SCFD2: variants seen among roughly 807,000 people sequenced by gnomAD.
SCFD2 encodes the protein sec1 family domain-containing protein 2.
SCFD2 carries 54 observed loss-of-function variants against 58.9 expected under a neutral mutation model. The observed-to-expected ratio is 0.92, with a 90% CI of 0.74 to 1.15. SCFD2 has a LOEUF of 1.15. SCFD2 is among the 50% of genes most tolerant of loss of function. SCFD2 has a pLI of 0.00. For synonymous variants in SCFD2, 321 were observed against 335.9 expected (o/e 0.96, Z 0.49); for missense variants, 805 against 836.6 (o/e 0.96, Z 0.47).
At chr4:53,218,759 C>A (rs1728946609) in intron 4 of SCFD2, among the ~76,000 whole-genome samples, 1 of 152,124 alleles carries the variant, frequency 6.6e-6, no homozygotes, top group Non-Finnish European at 1.5e-5. Flanking sequence ...TGCTTTTTCC[C>A]CATCTTTGTG....
intron 1 of SCFD2, among the ~76,000 whole-genome samples, chr4:53,354,098 G>C (rs1317896925): frequency 6.6e-6 from 1 of 152,250 alleles, no homozygotes; most frequent in Admixed American, 6.5e-5. Context: ...TTCGGCCCTT[G>C]GGCCGTCGAT....
At chr4:53,229,464 C>T (rs889016648) in intron 4 of SCFD2, among the ~76,000 whole-genome samples, 11 of 152,132 alleles carry the variant, frequency 7.2e-5, no homozygotes, top group Admixed American at 3.9e-4. Flanking sequence ...AGAAATAATG[C>T]CATGTATCTA....
chr4:53,246,108 G>T (rs1461018176), intron 4 of SCFD2, among the ~76,000 whole-genome samples: 1 of 152,012 alleles, frequency 6.6e-6, no homozygotes, highest in Non-Finnish European at 1.5e-5. Flanking sequence ...GCCACAAAAA[G>T]TATAAAACAC....
At chr4:53,319,679 GC>G (rs1478630270) in intron 2 of SCFD2, among the ~76,000 whole-genome samples, 3 of 151,998 alleles carry the variant, frequency 2.0e-5, no homozygotes, top group Non-Finnish European at 4.4e-5. Flanking sequence ...TTACAGGCAT[GC>G]GCCATCTCGT....
intron 5 of SCFD2, among the ~76,000 whole-genome samples, chr4:53,109,074 A>T (rs2148882681): frequency 6.6e-6 from 1 of 152,310 alleles, no homozygotes; most frequent in South Asian, 2.1e-4. Flanking sequence ...ATGCAAATCA[A>T]CAAATGTAAT....
At chr4:53,247,155 C>A (rs1472232203) in intron 4 of SCFD2, among the ~76,000 whole-genome samples, 1 of 151,968 alleles carries the variant, frequency 6.6e-6, no homozygotes, top group Non-Finnish European at 1.5e-5. Flanking sequence ...TATAAAAAAC[C>A]AGCTCAAAAT....
chr4:53,343,611 G>A (rs1159720442), intron 2 of SCFD2, among the ~76,000 whole-genome samples: 1 of 152,206 alleles, frequency 6.6e-6, no homozygotes, highest in Non-Finnish European at 1.5e-5. Context: ...TATGAGGCCA[G>A]CATCATCCTG....
chr4:53,253,632 C>T (rs1298985387), intron 4 of SCFD2, among the ~76,000 whole-genome samples: 12 of 150,364 alleles, frequency 8.0e-5, no homozygotes, highest in Non-Finnish European at 1.5e-4. Flanking sequence ...AGTAAACTAT[C>T]GCAAGAACAA....
At chr4:53,248,221 T>A (rs1438793025) in intron 4 of SCFD2, among the ~76,000 whole-genome samples, 3 of 152,190 alleles carry the variant, frequency 2.0e-5, no homozygotes, top group African/African-American at 4.8e-5. Context: ...CTGACGGGCT[T>A]AGGAAACGGC....
chr4:53,227,263 G>T (rs987514058), intron 4 of SCFD2, among the ~76,000 whole-genome samples: 16 of 152,104 alleles, frequency 1.1e-4, no homozygotes, highest in African/African-American at 2.9e-4. Flanking sequence ...TGTGAGAAAA[G>T]GACATTGTAT....
chr4:53,295,535 G>C (rs1577940440), intron 3 of SCFD2, among the ~76,000 whole-genome samples: 1 of 152,228 alleles, frequency 6.6e-6, no homozygotes, highest in East Asian at 1.9e-4. Flanking sequence ...AGAAGATTTT[G>C]GGCTGAGATG....
chr4:52,889,306 C>T lies in SCFD2; in HGVS notation c.1843-3440G>A, dbSNP rs1230196446. 2.6e-5 allele frequency among the ~76,000 whole-genome samples: 4 copies of T among 152,290 alleles called. No individual in the cohort carries two copies. In the East Asian group the frequency reaches 5.8e-4, roughly 22 times the overall value. ...TTTTTGTGTATTATCTTATTTAATTCTCAAAATATCCTTAGAAAGCAAACA... is the reference window on the plus strand; with the variant it reads ...TTTTTGTGTATTATCTTATTTAATTTTCAAAATATCCTTAGAAAGCAAACA... On this transcript the variant is annotated intron_variant, in intron 7 of 8. Coordinates refer to ENST00000401642, the MANE Select transcript of SCFD2 (RefSeq NM_152540.4).
At chr4:53,315,140 G>A (rs1220270310) in intron 2 of SCFD2, among the ~76,000 whole-genome samples, 1 of 151,412 alleles carries the variant, frequency 6.6e-6, no homozygotes, top group Non-Finnish European at 1.5e-5. Context: ...GGAGGATAGG[G>A]ACTGAAGGAA....
chr4:53,048,731 G>A (rs1420419467), intron 5 of SCFD2, among the ~76,000 whole-genome samples: 1 of 152,108 alleles, frequency 6.6e-6, no homozygotes, highest in East Asian at 1.9e-4. Flanking sequence ...TCCAGGCCCT[G>A]GGTCATCTGG....
At chr4:52,955,130 G>C (rs1164339120) in intron 5 of SCFD2, among the ~76,000 whole-genome samples, 2 of 152,226 alleles carry the variant, frequency 1.3e-5, no homozygotes, top group Non-Finnish European at 2.9e-5. Flanking sequence ...ATAGAGAGCA[G>C]ACAGGGGCTC....
intron 8 of SCFD2, among the ~76,000 whole-genome samples, chr4:52,878,668 T>C (rs1718537187): frequency 6.6e-6 from 1 of 152,220 alleles, no homozygotes; most frequent in Admixed American, 6.5e-5. Context: ...TGAAATTGGC[T>C]GATCAGATAT....
At chr4:52,936,070 C>T (rs972402026) in intron 5 of SCFD2, among the ~76,000 whole-genome samples, 3 of 152,138 alleles carry the variant, frequency 2.0e-5, no homozygotes, top group Admixed American at 2.0e-4. Flanking sequence ...CTCCCGACCT[C>T]AGATGATCCG....
At chr4:53,054,565 TA>T (rs1723270178) in intron 5 of SCFD2, among the ~76,000 whole-genome samples, 1 of 150,610 alleles carries the variant, frequency 6.6e-6, no homozygotes, top group Non-Finnish European at 1.5e-5. Flanking sequence ...TTAAAGAAAC[TA>T]AATCCTTCTA....
chr4:53,016,102 A>G (rs1434371752), intron 5 of SCFD2, among the ~76,000 whole-genome samples: 3 of 152,248 alleles, frequency 2.0e-5, no homozygotes, highest in African/African-American at 7.2e-5. Flanking sequence ...GGAATAAATA[A>G]AACAAACAAG....
Sources: allele counts gnomAD v4.1 joint callset (sites outside exome capture counted in the v4.1 genomes callset), GRCh38; gene constraint gnomAD v4.1.1; transcripts MANE v1.5; gene names NCBI Gene and HGNC (gene_info 2026-07-23, HGNC 2026-07-21).